The following NIN variants were observed in gnomAD, a reference collection of about 807,000 sequenced individuals.
NIN encodes the protein glycogen synthase kinase 3 beta-interacting protein.
NIN carries 137 observed loss-of-function variants against 257.6 expected under a neutral mutation model. The ratio of observed to expected loss-of-function variants is 0.53; its 90% CI spans 0.46 to 0.61. The LOEUF (loss-of-function observed/expected upper bound fraction) is 0.61, where lower values mean the gene tolerates loss of function less well. Among genes scored for constraint, NIN ranks in the 20% least tolerant of loss-of-function variants. The pLI, the probability that NIN is intolerant of heterozygous loss-of-function variation, is 0.00. For missense variants in NIN, 2,439 were observed against 2,501.2 expected, an observed-to-expected ratio of 0.98 and a Z score of 0.53; for synonymous variants, 918 against 919.8, an observed-to-expected ratio of 1.00 and a Z score of 0.04.
At position 50,744,271 on chromosome 14, in the gene NIN, C is replaced by T; in HGVS notation, c.5159G>A (p.Ser1720Asn). 1 of 1,614,064 alleles carries T rather than the reference C, an allele frequency of 6.2e-7. No individual in the cohort carries two copies. The highest frequency in any genetic ancestry group is 8.5e-7 in the Non-Finnish European group (1 of 1,179,958). ...EKLLKEKEAL[S>N]EELNSCVDKL... is the part of the protein sequence containing the mutation. ...ATCGACACAGCTATTTAATTCCTCA[C>T]TCAGAGCTTCCTTTTCTTTCAGCAG... The change falls in exon 23 of 31, where the codon AGT (serine) becomes AAT (asparagine). Residue 1720 changes from serine to asparagine, a missense_variant. Coordinates refer to ENST00000530997, the MANE Select transcript of NIN (RefSeq NM_020921.4).
chr14:50,792,749 G>A lies in NIN; in HGVS notation c.398C>T (p.Ala133Val), dbSNP rs953215508. The change falls in exon 5 of 31, where the codon GCG becomes GTG. Residue 133 changes from alanine (A) to valine (V), a missense_variant. Ala to Val is a moderately conservative substitution (Grantham distance 64). This residue lies in a region of NIN where 387 missense variants were observed against 427.3 expected (regional missense o/e 0.91). Transcript: ENST00000530997. ...ACCGGCTGGGATGTGTGAAGGCCGC[G>A]CTTCTTCATCCAGTGGCTCAATCAC... ...VTVIEPLDEEARPSHIPAGDC... is the reference protein window; with the variant it reads ...VTVIEPLDEEVRPSHIPAGDC... The A allele has an allele frequency of 8.1e-6, 13 of 1,614,148 alleles. No individual in the cohort carries two copies. Among genetic ancestry groups the A allele is most frequent in the South Asian group, 3.3e-5 (3 of 91,078 alleles).
At chr14:50,824,716 G>C (rs977456868) in intron 2 of NIN, among the ~76,000 whole-genome samples, 5 of 152,144 alleles carry the variant, frequency 3.3e-5, no homozygotes, top group African/African-American at 1.2e-4. Flanking sequence ...ATCATGGATT[G>C]ACTTCCTGTA....
chr14:50,820,373 G>A (rs773659246), intron 3 of NIN, among the ~76,000 whole-genome samples: 2 of 152,152 alleles, frequency 1.3e-5, no homozygotes, highest in Non-Finnish European at 2.9e-5. Flanking sequence ...GTCTGTTTAC[G>A]GCGTGGCATT....
chr14:50,766,972 C>G, intron 12 of NIN, 82 bp from the exon 13 acceptor site: 1 of 895,506 alleles, frequency 1.1e-6, no homozygotes, highest in Non-Finnish European at 1.8e-6. Context: ...CAGCATAAAT[C>G]AGTACCGTAG....
At chr14:50,760,524 G>T (rs955528754) in intron 16 of NIN, among the ~76,000 whole-genome samples, 165 bp from the exon 17 acceptor site, 2 of 143,546 alleles carry the variant, frequency 1.4e-5, no homozygotes, top group African/African-American at 5.2e-5. Context: ...CTTTAAGCAA[G>T]ATACTTAAGT....
At chr14:50,790,564 G>A (rs950217910) in intron 5 of NIN, among the ~76,000 whole-genome samples, 5 of 152,302 alleles carry the variant, frequency 3.3e-5, no homozygotes, top group Non-Finnish European at 5.9e-5. Flanking sequence ...GCGAAGTTGA[G>A]TCAGTTGGAG....
chr14:50,740,069 A>T (rs547616046), intron 25 of NIN, among the ~76,000 whole-genome samples: 1 of 152,228 alleles, frequency 6.6e-6, no homozygotes, highest in African/African-American at 2.4e-5. Flanking sequence ...AAAATGATTT[A>T]AAAAATTAAA....
At chr14:50,775,318 A>G (rs1474014176) in intron 7 of NIN, among the ~76,000 whole-genome samples, 1 of 152,124 alleles carries the variant, frequency 6.6e-6, no homozygotes, top group Non-Finnish European at 1.5e-5. Flanking sequence ...CTGCCCTGTC[A>G]TTGTTCTTGC....
At chr14:50,814,981 G>A (rs561615604) in intron 3 of NIN, among the ~76,000 whole-genome samples, 102 of 152,260 alleles carry the variant, frequency 6.7e-4, no homozygotes, top group Middle Eastern at 3.4e-3. Flanking sequence ...ATAGGCATGG[G>A]CAAAGATTTC....
At chr14:50,732,563 T>C (rs1169371806) in intron 28 of NIN, among the ~76,000 whole-genome samples, 4 of 152,226 alleles carry the variant, frequency 2.6e-5, no homozygotes, top group Non-Finnish European at 5.9e-5. Flanking sequence ...TGCCACTGAA[T>C]TGTACATTTT....
At chr14:50,797,824 G>T (rs2043909871) in intron 4 of NIN, among the ~76,000 whole-genome samples, 1 of 152,062 alleles carries the variant, frequency 6.6e-6, no homozygotes, top group Non-Finnish European at 1.5e-5. Flanking sequence ...GAAGTGGGTG[G>T]GGAAACAGGA....
chr14:50,730,823 A>T (rs774192267), intron 28 of NIN: 9 of 908,752 alleles, frequency 9.9e-6, no homozygotes, highest in Non-Finnish European at 1.3e-5. Flanking sequence ...CTCTTTCCTT[A>T]AGTACTTATT....
At chr14:50,801,542 C>A (rs748693402) in intron 4 of NIN, among the ~76,000 whole-genome samples, 1 of 152,202 alleles carries the variant, frequency 6.6e-6, no homozygotes, top group African/African-American at 2.4e-5. Flanking sequence ...GTAATATCTC[C>A]TAAAATCAGG....
intron 3 of NIN, among the ~76,000 whole-genome samples, chr14:50,818,255 G>A (rs866057267): frequency 4.0e-5 from 6 of 149,974 alleles, no homozygotes; most frequent in South Asian, 2.1e-4. Flanking sequence ...CCCGGGAGGC[G>A]GAGCTTGCAG....
chr14:50,788,517 G>T (rs975679877), intron 5 of NIN, among the ~76,000 whole-genome samples: 1 of 152,196 alleles, frequency 6.6e-6, no homozygotes, highest in African/African-American at 2.4e-5. Flanking sequence ...CATAATTTGG[G>T]TTATGCTTAT....
chr14:50,764,702 G>A (rs923948667), intron 14 of NIN, among the ~76,000 whole-genome samples: 6 of 152,028 alleles, frequency 3.9e-5, no homozygotes, highest in Admixed American at 6.5e-5. Flanking sequence ...TTAAATGAAG[G>A]AAGCCGGTCT....
chr14:50,788,391 A>G (rs1469875853), intron 5 of NIN, among the ~76,000 whole-genome samples: 2 of 152,348 alleles, frequency 1.3e-5, no homozygotes, highest in East Asian at 1.9e-4. Flanking sequence ...AGCAATCTCC[A>G]TAATAGCCTC....
intron 21 of NIN, 36 bp from the exon 22 acceptor site, chr14:50,748,141 A>T: frequency 7.0e-7 from 1 of 1,422,376 alleles, no homozygotes; most frequent in African/African-American, 1.4e-5. Flanking sequence ...TAACAGACAT[A>T]CATATTTAGG....
intron 18 of NIN, among the ~76,000 whole-genome samples, chr14:50,755,220 A>G (rs1183125717): frequency 2.6e-5 from 4 of 152,218 alleles, no homozygotes; most frequent in Non-Finnish European, 5.9e-5. Context: ...CCTGTTCTGA[A>G]TACACATAAG....
Sources: allele counts gnomAD v4.1 joint callset (sites outside exome capture counted in the v4.1 genomes callset), GRCh38; gene constraint gnomAD v4.1.1; regional missense constraint gnomAD v4.1.1; transcripts MANE v1.5; gene names NCBI Gene and HGNC (gene_info 2026-07-23, HGNC 2026-07-21).